Variants in MAGI1 observed in about 807,000 individuals in gnomAD.
MAGI1 encodes membrane associated guanylate kinase, WW and PDZ domain containing 1, also known as membrane-associated guanylate kinase, WW and PDZ domain-containing protein 1.
MAGI1 carries 58 observed loss-of-function variants against 139.9 expected under a neutral mutation model. The observed-to-expected ratio is 0.41, with a 90% CI of 0.34 to 0.52. MAGI1 has a LOEUF of 0.52. Ranked by LOEUF, MAGI1 falls within the 20% of genes least tolerant of loss-of-function variation. The pLI is 0.12. For synonymous variants in MAGI1, 812 were observed against 737.9 expected, an observed-to-expected ratio of 1.10 and a Z score of -1.63; for missense variants, 1,874 against 1,901.6, an observed-to-expected ratio of 0.99 and a Z score of 0.27.
At chr3:65,912,513 A>C (rs1479032951) in intron 1 of MAGI1, among the ~76,000 whole-genome samples, 1 of 152,218 alleles carries the variant, frequency 6.6e-6, no homozygotes, top group Admixed American at 6.5e-5. Flanking sequence ...TACATGTTTA[A>C]ACAAACAAAA....
At chr3:65,817,350 T>G (rs2041668512) in intron 1 of MAGI1, among the ~76,000 whole-genome samples, 1 of 152,222 alleles carries the variant, frequency 6.6e-6, no homozygotes, top group Non-Finnish European at 1.5e-5. Flanking sequence ...TAATTGTACG[T>G]ATAAATCCCT....
At position 65,950,058 on chromosome 3, in the gene MAGI1, A is replaced by AC. The variant is rs1314544375; in HGVS notation, c.313+87937dup. On this transcript the variant is annotated intron_variant, in intron 1 of 22. Transcript: ENST00000402939. ...AGCCAGATCATCAAAAAAAAAAAAA[A>AC]CAAAAAAACAAAAAAAAAACAAAAA... 8.9e-4 allele frequency among the ~76,000 whole-genome samples: 59 copies of AC among 66,286 alleles called. 1 individual carries two copies. Among genetic ancestry groups the AC allele is most frequent in the Non-Finnish European group, 1.3e-3 (48 of 35,972 alleles). 43.5% of individuals were successfully genotyped at this position (66,286 alleles called of 152,430 possible).
intron 1 of MAGI1, among the ~76,000 whole-genome samples, chr3:65,741,996 G>A (rs1188822423): frequency 6.6e-6 from 1 of 152,176 alleles, no homozygotes. Context: ...AGAGTAGGAT[G>A]TTTGGAATCC....
intron 2 of MAGI1, among the ~76,000 whole-genome samples, chr3:65,580,031 G>A (rs1277082025): frequency 1.3e-5 from 2 of 151,888 alleles, no homozygotes; most frequent in Non-Finnish European, 2.9e-5. Flanking sequence ...TTTCTGCCTC[G>A]TTCACTGGTC....
chr3:65,443,319 T>C (rs1456512092), intron 7 of MAGI1, among the ~76,000 whole-genome samples: 3 of 152,208 alleles, frequency 2.0e-5, no homozygotes, highest in Non-Finnish European at 4.4e-5. Context: ...CTTCTCCTTG[T>C]TCCTAATGAA....
At chr3:65,514,003 G>A (rs1262737241) in intron 2 of MAGI1, among the ~76,000 whole-genome samples, 24 of 103,366 alleles carry the variant, frequency 2.3e-4, no homozygotes, top group African/African-American at 3.2e-4. Context: ...AAATAATGCC[G>A]CATATCTACA....
chr3:66,006,518 T>C lies in MAGI1; in HGVS notation c.313+31478A>G, dbSNP rs187795141. On this transcript the variant is annotated intron_variant, in intron 1 of 22. Coordinates refer to ENST00000402939, the MANE Select transcript of MAGI1 (RefSeq NM_001033057.2). The stretch of plus-strand genomic sequence containing the variant: ...GGGTATGTATATGTGTCTATACATA[T>C]ACATATGAGTAAGACAAACTAGAAT... 3.2e-3 allele frequency among the ~76,000 whole-genome samples: 486 copies of C among 152,296 alleles called. 5 individuals carry two copies. The highest frequency in any genetic ancestry group is 5.3e-3 in the Non-Finnish European group (359 of 68,022).
chr3:65,831,380 A>C (rs1484628825), intron 1 of MAGI1, among the ~76,000 whole-genome samples: 2 of 152,238 alleles, frequency 1.3e-5, no homozygotes, highest in African/African-American at 4.8e-5. Flanking sequence ...AAACAAGTAC[A>C]GGCTGAAACC....
At chr3:65,948,960 C>A (rs560749797) in intron 1 of MAGI1, among the ~76,000 whole-genome samples, 31 of 152,244 alleles carry the variant, frequency 2.0e-4, no homozygotes, top group African/African-American at 5.8e-4. Flanking sequence ...CAGTAACCAG[C>A]CTAAGAAAGG....
chr3:65,821,634 G>T (rs894119396), intron 1 of MAGI1, among the ~76,000 whole-genome samples: 4 of 152,162 alleles, frequency 2.6e-5, no homozygotes, highest in African/African-American at 9.7e-5. Flanking sequence ...CACCAGCATG[G>T]CTCTAGCAGC....
intron 1 of MAGI1, among the ~76,000 whole-genome samples, chr3:66,017,274 C>A (rs180730903): frequency 6.6e-6 from 1 of 152,226 alleles, no homozygotes; most frequent in East Asian, 1.9e-4. Flanking sequence ...TGTCTCAACA[C>A]GCGCAGGGCG....
chr3:65,617,245 T>A (rs527773105), intron 2 of MAGI1, among the ~76,000 whole-genome samples: 2 of 152,324 alleles, frequency 1.3e-5, no homozygotes, highest in South Asian at 4.1e-4. Context: ...CAAAACTGAC[T>A]TATCCTTTCC....
intron 1 of MAGI1, among the ~76,000 whole-genome samples, chr3:65,798,236 G>A (rs1050664913): frequency 6.6e-5 from 10 of 150,898 alleles, no homozygotes; most frequent in African/African-American, 2.0e-4. Flanking sequence ...CCCGGGAGAC[G>A]GAGCTTGCCG....
At chr3:65,890,243 C>T (rs959560077) in intron 1 of MAGI1, among the ~76,000 whole-genome samples, 11 of 152,040 alleles carry the variant, frequency 7.2e-5, no homozygotes, top group Admixed American at 2.0e-4. Flanking sequence ...CGGGCGCCTG[C>T]AGTCCCAGCT....
At chr3:65,444,539 T>C (rs151123428) in intron 7 of MAGI1, among the ~76,000 whole-genome samples, 1 of 152,252 alleles carries the variant, frequency 6.6e-6, no homozygotes, top group East Asian at 1.9e-4. Context: ...ACAGGGGAAA[T>C]ACTAAGCTTT....
chr3:65,470,375 T>G lies in MAGI1; in HGVS notation c.867A>C (p.Gln289His), dbSNP rs1235345912. 1 of 1,613,772 alleles carries G rather than the reference T, an allele frequency of 6.2e-7. No individual in the cohort carries two copies. The highest frequency in any genetic ancestry group is 1.1e-5 in the South Asian group (1 of 91,076). Reference sequence around the variant, plus strand: ...TATCCTCTGCAGAAAGAGGTAGGTATTGAGGGAACTTCTGAGAAGGGTCCG... The same window carrying G: ...TATCCTCTGCAGAAAGAGGTAGGTAGTGAGGGAACTTCTGAGAAGGGTCCG... ...PITDPSQKFP[Q>H]YLPLSAEDNL... The change falls in exon 5 of 23, where the codon CAA becomes CAC. Residue 289 changes from glutamine to histidine, a missense_variant. Coordinates refer to ENST00000402939, the MANE Select transcript of MAGI1 (RefSeq NM_001033057.2).
intron 1 of MAGI1, among the ~76,000 whole-genome samples, chr3:65,740,943 T>C (rs910815505): frequency 2.6e-5 from 4 of 152,210 alleles, no homozygotes; most frequent in Non-Finnish European, 5.9e-5. Flanking sequence ...CTTTTCTATC[T>C]TTCCTAAGTA....
intron 1 of MAGI1, among the ~76,000 whole-genome samples, chr3:65,655,700 A>C (rs2085835902): frequency 6.6e-6 from 1 of 152,190 alleles, no homozygotes; most frequent in Admixed American, 6.5e-5. Flanking sequence ...ACAGAATAGA[A>C]ATGGAAGCAC....
chr3:65,778,441 A>T (rs200724017), intron 1 of MAGI1, among the ~76,000 whole-genome samples: 2,761 of 145,740 alleles, frequency 0.019, 216 homozygotes, highest in African/African-American at 0.057. Flanking sequence ...AAAAAAAAAA[A>T]AAATAAATAA....
Sources: allele counts gnomAD v4.1 joint callset (sites outside exome capture counted in the v4.1 genomes callset), GRCh38; gene constraint gnomAD v4.1.1; transcripts MANE v1.5; gene names NCBI Gene and HGNC (gene_info 2026-07-23, HGNC 2026-07-21).